RBMS2: variants seen among roughly 807,000 people sequenced by gnomAD.
The protein encoded by RBMS2 is RNA binding motif single stranded interacting protein 2, also known as RNA-binding motif, single-stranded-interacting protein 2.
RBMS2 carries 38 observed loss-of-function variants against 58.4 expected under a neutral mutation model. The ratio of observed to expected loss-of-function variants is 0.65; its 90% CI spans 0.50 to 0.85. The LOEUF (loss-of-function observed/expected upper bound fraction) is 0.85. Ranked by LOEUF, RBMS2 falls within the 40% of genes least tolerant of loss-of-function variation. The pLI is 0.00. For synonymous variants in RBMS2, 151 were observed against 180.7 expected (o/e 0.84, Z 1.32); for missense variants, 367 against 503.7 (o/e 0.73, Z 2.60).
chr12:56,587,511 A>G, intron 10 of RBMS2, 43 bp from the exon 11 acceptor site: 9 of 1,594,824 alleles, frequency 5.6e-6, no homozygotes, highest in Non-Finnish European at 7.7e-6. Flanking sequence ...AGGCAGCCTC[A>G]CAGGATGCTG....
chr12:56,550,805 G>A (rs770818612), intron 1 of RBMS2, among the ~76,000 whole-genome samples: 16 of 150,674 alleles, frequency 1.1e-4, no homozygotes, highest in Non-Finnish European at 2.1e-4. Context: ...TTGCGCCATC[G>A]CACCCTAGCC....
At chr12:56,559,895 CTTTTTT>C (rs373481141) in intron 1 of RBMS2, among the ~76,000 whole-genome samples, 1 of 83,560 alleles carries the variant, frequency 1.2e-5, no homozygotes. Flanking sequence ...TCACAATCTT[CTTTTTT>C]TTTTTTTTTT....
intron 1 of RBMS2, among the ~76,000 whole-genome samples, chr12:56,540,638 C>T (rs1421224186): frequency 6.6e-6 from 1 of 152,162 alleles, no homozygotes; most frequent in Non-Finnish European, 1.5e-5. Context: ...CCTCAGTCTT[C>T]AGAGTAGCTG....
At position 56,595,571 on chromosome 12, in the gene RBMS2, T is replaced by C. The variant is rs1370106236; in HGVS notation, c.*6438T>C. 1 of 151,982 alleles carries C rather than the reference T, an allele frequency of 6.6e-6. No individual in the cohort carries two copies. The highest frequency in any genetic ancestry group is 2.4e-5 in the African/African-American group (1 of 41,372). 9.4% of individuals were successfully genotyped at this position (151,982 alleles called of 1,614,324 possible). A position where few individuals can be genotyped will look rare whatever the true frequency, so the allele number is the denominator to read the frequency against. ...GTCCATTTTGTCTTACTTCACACTT[T>C]TTTTTTTTTAAATAAAACACAAAAG... On this transcript the variant is annotated 3_prime_UTR_variant, in exon 14 of 14. Coordinates refer to ENST00000262031, the MANE Select transcript of RBMS2 (RefSeq NM_002898.4).
rs572304363 is a variant in RBMS2, at chr12:56,570,820, G to A, written c.384+830G>A. ...TCTCGATCTCCTGACGTTGTGATCCGCCCACCTCAGCCTTCCAAAGTGCTG... is the reference window on the plus strand; with the variant it reads ...TCTCGATCTCCTGACGTTGTGATCCACCCACCTCAGCCTTCCAAAGTGCTG... On this transcript the variant is annotated intron_variant, in intron 4 of 13. Transcript: ENST00000262031. 4.1e-4 allele frequency among the ~76,000 whole-genome samples: 63 copies of A among 152,196 alleles called. 1 individual carries two copies. Among genetic ancestry groups the A allele is most frequent in the Non-Finnish European group, 7.4e-4 (50 of 68,006 alleles).
intron 5 of RBMS2, among the ~76,000 whole-genome samples, chr12:56,574,921 G>A (rs929800504): frequency 6.6e-6 from 1 of 152,108 alleles, no homozygotes; most frequent in Admixed American, 6.6e-5. Context: ...GGCCGAGGCG[G>A]GCGGATCATG....
In RBMS2 at chr12:56,533,561, G is replaced by A. The variant is rs546588286; in HGVS notation, c.66+11472G>A. 2.0e-5 allele frequency among the ~76,000 whole-genome samples: 3 copies of A among 151,442 alleles called. No individual in the cohort carries two copies. In the South Asian group the frequency reaches 6.3e-4, roughly 32 times the overall value. Reference sequence around the variant, plus strand: ...CTTCTGAGTAGGTGGGACTATAGGCGCATGCCACTACACCTGGCTTATTTT... The same window carrying A: ...CTTCTGAGTAGGTGGGACTATAGGCACATGCCACTACACCTGGCTTATTTT... On this transcript the variant is annotated intron_variant, in intron 1 of 13. Coordinates refer to ENST00000262031, the MANE Select transcript of RBMS2 (RefSeq NM_002898.4).
chr12:56,529,918 T>G (rs1177363067), intron 1 of RBMS2, among the ~76,000 whole-genome samples: 3 of 152,170 alleles, frequency 2.0e-5, no homozygotes, highest in Non-Finnish European at 2.9e-5. Context: ...ATTTATGCTT[T>G]CTTTATTTAG....
chr12:56,573,987 C>T (rs942538826), intron 5 of RBMS2, among the ~76,000 whole-genome samples: 1 of 152,040 alleles, frequency 6.6e-6, no homozygotes, highest in Non-Finnish European at 1.5e-5. Flanking sequence ...ATTACAGGCG[C>T]CCGCCACCAT....
chr12:56,532,977 C>T (rs970957026), intron 1 of RBMS2, among the ~76,000 whole-genome samples: 6 of 152,000 alleles, frequency 3.9e-5, no homozygotes, highest in Non-Finnish European at 7.4e-5. Flanking sequence ...CTTTGTCACT[C>T]GGGCTGGAGT....
intron 1 of RBMS2, among the ~76,000 whole-genome samples, chr12:56,542,778 G>A (rs1038242053): frequency 2.6e-5 from 4 of 151,730 alleles, no homozygotes; most frequent in South Asian, 4.2e-4. Context: ...TCAAACTCCT[G>A]GGCTCAAGCA....
chr12:56,554,354 A>G (rs1412986173), intron 1 of RBMS2, among the ~76,000 whole-genome samples: 3 of 152,198 alleles, frequency 2.0e-5, no homozygotes. Flanking sequence ...CATCAATGAT[A>G]GGCTGGATAA....
chr12:56,552,448 C>A (rs889807134), intron 1 of RBMS2, among the ~76,000 whole-genome samples: 5 of 152,102 alleles, frequency 3.3e-5, no homozygotes, highest in Non-Finnish European at 7.4e-5. Flanking sequence ...TGAAGACACC[C>A]GTGTGGAAAG....
Position 56,575,035 on chromosome 12 carries a change from C to G in RBMS2, c.542+3180C>G, listed in dbSNP as rs561159255. Among the ~76,000 whole-genome samples, 224 of 151,956 alleles carry G rather than the reference C, an allele frequency of 1.5e-3. 1 individual carries two copies. Among genetic ancestry groups the G allele is most frequent in the African/African-American group, 5.1e-3 (210 of 41,430 alleles). The stretch of plus-strand genomic sequence containing the variant: ...TGGTGGCGGGCGCCTGTAGTCCCAG[C>G]TTACTCGGAAGGCTGATGCTGGAGA... On this transcript the variant is annotated intron_variant, in intron 5 of 13. Coordinates refer to ENST00000262031, the MANE Select transcript of RBMS2 (RefSeq NM_002898.4).
At chr12:56,545,939 T>TC (rs55948452) in intron 1 of RBMS2, among the ~76,000 whole-genome samples, 133,176 of 143,920 alleles carry the variant, frequency 0.93, 61,829 homozygotes, top group East Asian at 1. Context: ...TTTCTTTTCT[T>TC]TTTTTTTTTT....
At chr12:56,528,657 ACAGT>A (rs1372358182) in intron 1 of RBMS2, among the ~76,000 whole-genome samples, 1 of 152,210 alleles carries the variant, frequency 6.6e-6, no homozygotes, top group Admixed American at 6.6e-5. Flanking sequence ...AATAAAAAAG[ACAGT>A]CAATAATCAA....
intron 1 of RBMS2, among the ~76,000 whole-genome samples, chr12:56,532,747 T>A (rs1178073852): frequency 1.3e-5 from 2 of 152,038 alleles, no homozygotes; most frequent in Admixed American, 6.6e-5. Context: ...AATACAAAAG[T>A]TTACATGTAG....
intron 5 of RBMS2, among the ~76,000 whole-genome samples, chr12:56,576,549 G>C (rs955457868): frequency 1.3e-5 from 2 of 152,002 alleles, no homozygotes; most frequent in Non-Finnish European, 2.9e-5. Context: ...GATAAGGGGG[G>C]ACTACTAGAG....
upstream of RBMS2, among the ~76,000 whole-genome samples, chr12:56,521,270 A>C (rs570352311): frequency 1.8e-4 from 27 of 152,148 alleles, no homozygotes; most frequent in East Asian, 1.2e-3. Flanking sequence ...CCCTACTAAA[A>C]AATACAAAAA....
Sources: gnomAD v4.1 joint callset for allele counts (sites outside exome capture counted in the v4.1 genomes callset) on GRCh38, gnomAD v4.1.1 for gene constraint, MANE v1.5 for transcripts, NCBI Gene and HGNC (gene_info 2026-07-23, HGNC 2026-07-21) for gene names.